Variants in SNX4 observed in about 807,000 individuals in gnomAD.
SNX4 encodes the protein sorting nexin-4.
A neutral mutation model predicts 70.8 loss-of-function variants in SNX4; 49 were observed. That is an observed-to-expected ratio of 0.69 (90% CI 0.55 to 0.88). The LOEUF is 0.88. Among genes scored for constraint, SNX4 ranks in the 40% least tolerant of loss-of-function variants. SNX4 has a pLI of 0.00. For missense variants in SNX4, 528 were observed against 544.8 expected (o/e 0.97, Z 0.31); for synonymous variants, 206 against 183.8 (o/e 1.12, Z -0.98).
intron 6 of SNX4, among the ~76,000 whole-genome samples, chr3:125,487,070 A>G (rs758751199): frequency 7.9e-5 from 12 of 152,184 alleles, no homozygotes; most frequent in Non-Finnish European, 1.6e-4. Context: ...TAGAAGAATC[A>G]CTTTGTAATC....
intron 10 of SNX4, 67 bp downstream of exon 10, chr3:125,460,704 T>C: frequency 1.5e-6 from 1 of 686,548 alleles, no homozygotes; most frequent in Non-Finnish European, 2.5e-6. Flanking sequence ...ATCTGTACTT[T>C]ACAGTGGCAT....
At chr3:125,482,188 T>C (rs922939501) in intron 6 of SNX4, among the ~76,000 whole-genome samples, 1 of 152,222 alleles carries the variant, frequency 6.6e-6, no homozygotes, top group African/African-American at 2.4e-5. Context: ...GATCTACATA[T>C]TGCTAAATTC....
At chr3:125,496,205 G>A (rs963727575) in intron 5 of SNX4, among the ~76,000 whole-genome samples, 40 of 152,232 alleles carry the variant, frequency 2.6e-4, no homozygotes, top group African/African-American at 9.1e-4. Context: ...GAGGCAGGCG[G>A]ATCGCTTGAG....
At chr3:125,486,118 C>T (rs556775867) in intron 6 of SNX4, among the ~76,000 whole-genome samples, 23 of 152,266 alleles carry the variant, frequency 1.5e-4, no homozygotes, top group African/African-American at 4.3e-4. Context: ...GGATTACAGG[C>T]GTAAGCCACC....
chr3:125,496,036 A>G (rs1037983981), intron 5 of SNX4, among the ~76,000 whole-genome samples: 8 of 152,180 alleles, frequency 5.3e-5, no homozygotes, highest in African/African-American at 1.9e-4. Flanking sequence ...GGCACAGTAA[A>G]ACTAGCACTT....
intron 10 of SNX4, among the ~76,000 whole-genome samples, chr3:125,458,768 TCA>T (rs1933793534): frequency 8.2e-6 from 1 of 122,300 alleles, no homozygotes; most frequent in African/African-American, 3.1e-5. Flanking sequence ...TGAGCCGAGA[TCA>T]CGCCACTGCA....
At chr3:125,460,636 T>C in intron 10 of SNX4, 135 bp downstream of exon 10, 1 of 445,820 alleles carries the variant, frequency 2.2e-6, no homozygotes, top group South Asian at 5.0e-5. Flanking sequence ...CACAGAGAAA[T>C]ACAATGAGAC....
chr3:125,501,224 A>G (rs941195314), intron 2 of SNX4, among the ~76,000 whole-genome samples: 2 of 152,252 alleles, frequency 1.3e-5, no homozygotes, highest in African/African-American at 4.8e-5. Context: ...GGAGTAGGGA[A>G]GAATTTCTTA....
chr3:125,501,437 T>C (rs1223991102), intron 2 of SNX4, among the ~76,000 whole-genome samples: 2 of 152,066 alleles, frequency 1.3e-5, no homozygotes, highest in African/African-American at 4.8e-5. Context: ...CTGGCCAACA[T>C]GGCAAAACCC....
rs140031164 is a variant in SNX4 at position 125,453,484 on chromosome 3, ACTTT to A, written c.1190+322_1190+325del. Among the ~76,000 whole-genome samples the A allele has an allele frequency of 4.3e-4, 64 of 148,410 alleles. 1 individual carries two copies. The highest frequency in any genetic ancestry group is 3.5e-3 in the Middle Eastern group (1 of 288). On this transcript the variant is annotated intron_variant, in intron 12 of 13. Coordinates refer to ENST00000251775, the MANE Select transcript of SNX4 (RefSeq NM_003794.4). Reference sequence around the variant, plus strand: ...CTATAACATTATTTTTGATAATTCAACTTTCTTTTATTTTTATTTATTTATTTAT... The same window carrying A: ...CTATAACATTATTTTTGATAATTCAACTTTTATTTTTATTTATTTATTTAT...
At chr3:125,490,547 A>AAATAC (rs1380702655) in intron 5 of SNX4, among the ~76,000 whole-genome samples, 1 of 149,928 alleles carries the variant, frequency 6.7e-6, no homozygotes, top group Non-Finnish European at 1.5e-5. Flanking sequence ...AAAAAAAAAG[A>AAATAC]AATACATGTA....
At chr3:125,451,613 G>C (rs1247807816) in intron 12 of SNX4, among the ~76,000 whole-genome samples, 194 bp from the exon 13 acceptor site, 1 of 151,898 alleles carries the variant, frequency 6.6e-6, no homozygotes, top group Non-Finnish European at 1.5e-5. Context: ...ATATATTCTT[G>C]TACCTTTTAA....
In SNX4 at chr3:125,498,105, A is replaced by G; in HGVS notation, c.353T>C (p.Leu118Ser). Residue 118 changes from leucine (L) to serine (S), a missense_variant, in exon 3 of 14, where the codon TTA (leucine) becomes TCA (serine). Coordinates refer to ENST00000251775, the MANE Select transcript of SNX4 (RefSeq NM_003794.4). ...CACAACAATATGTGGATAGTAAACT[A>G]AAAGGTAGCTTCTCAACAACTCAAA... ...SEFELLRSYL[L>S]VYYPHIVVPP... 4 of 1,614,160 alleles carry G rather than the reference A, an allele frequency of 2.5e-6. No homozygotes were observed. Among genetic ancestry groups the G allele is most frequent in the Non-Finnish European group, 3.4e-6 (4 of 1,180,002 alleles).
chr3:125,493,062 C>G (rs184950722), intron 5 of SNX4, among the ~76,000 whole-genome samples: 1 of 152,170 alleles, frequency 6.6e-6, no homozygotes, highest in East Asian at 1.9e-4. Flanking sequence ...AGGGATAAAC[C>G]CTTTGCTCTT....
chr3:125,481,516 T>C (rs1174692729), intron 6 of SNX4, among the ~76,000 whole-genome samples: 1 of 151,770 alleles, frequency 6.6e-6, no homozygotes, highest in African/African-American at 2.4e-5. Context: ...TGGCGCAATC[T>C]TGGCTCACCA....
chr3:125,478,237 G>A (rs1361009137), intron 7 of SNX4, among the ~76,000 whole-genome samples: 1 of 151,618 alleles, frequency 6.6e-6, no homozygotes, highest in Non-Finnish European at 1.5e-5. Flanking sequence ...GCACCACCAC[G>A]CCCAGCTAGT....
intron 5 of SNX4, among the ~76,000 whole-genome samples, chr3:125,493,222 T>C (rs1467824750): frequency 1.3e-5 from 2 of 152,156 alleles, no homozygotes; most frequent in African/African-American, 2.4e-5. Context: ...TAGCTAGAAC[T>C]ATAGGAACAT....
chr3:125,505,278 G>A (rs754475845), intron 1 of SNX4, among the ~76,000 whole-genome samples: 5 of 152,156 alleles, frequency 3.3e-5, no homozygotes, highest in Non-Finnish European at 5.9e-5. Flanking sequence ...CCTTCCAGAG[G>A]TAGTTTAAAA....
chr3:125,511,204 G>A (rs866212355), intron 1 of SNX4, among the ~76,000 whole-genome samples: 6 of 152,164 alleles, frequency 3.9e-5, no homozygotes, highest in Non-Finnish European at 8.8e-5. Flanking sequence ...ATGAGCCACC[G>A]TGCCCAGTTT....
Sources: allele counts gnomAD v4.1 joint callset (sites outside exome capture counted in the v4.1 genomes callset), GRCh38; gene constraint gnomAD v4.1.1; transcripts MANE v1.5; gene names NCBI Gene and HGNC (gene_info 2026-07-23, HGNC 2026-07-21).